PLCE1: variants seen among roughly 807,000 people sequenced by gnomAD.
The protein encoded by PLCE1 is phospholipase C epsilon 1, also known as 1-phosphatidylinositol 4,5-bisphosphate phosphodiesterase epsilon-1.
A neutral mutation model predicts 242.8 loss-of-function variants in PLCE1; 119 were observed. The observed-to-expected ratio is 0.49, with a 90% confidence interval of 0.42 to 0.57. PLCE1 has a LOEUF of 0.57. PLCE1 is among the 20% of genes least tolerant of loss of function. The probability of loss-of-function intolerance (pLI) is 0.00; values close to 1 mark genes in which losing one functional copy is unlikely to be tolerated. For synonymous variants in PLCE1, 945 were observed against 1,017.4 expected, an observed-to-expected ratio of 0.93 and a Z score of 1.35; for missense variants, 2,441 against 2,788.8, an observed-to-expected ratio of 0.88 and a Z score of 2.81.
chr10:94,138,511 G>T, intron 3 of PLCE1: 1 of 470,026 alleles, frequency 2.1e-6, no homozygotes, highest in Non-Finnish European at 4.2e-6. Flanking sequence ...TAATGGAGAT[G>T]TTCCAGCCTA....
rs41291122 is a variant in PLCE1 at position 94,030,993 on chromosome 10, G to T, written c.-54G>T. 2.0e-3 allele frequency: 3,111 copies of T among 1,587,328 alleles called. 18 individuals are homozygous for T. The highest frequency in any genetic ancestry group is 2.0e-3 in the Non-Finnish European group (2,345 of 1,156,320). ...AGTCATTTTATTAAAACCTTGACATGATCACCAGGGAGGAAAAATAGAGCA... is the reference window on the plus strand; with the variant it reads ...AGTCATTTTATTAAAACCTTGACATTATCACCAGGGAGGAAAAATAGAGCA... On this transcript the variant is annotated 5_prime_UTR_variant, in exon 2 of 33. It removes an upstream start codon present in the reference 5' UTR. Coordinates refer to ENST00000371380, the MANE Select transcript of PLCE1 (RefSeq NM_016341.4).
At chr10:94,311,326 T>G (rs2053380843) in intron 27 of PLCE1, among the ~76,000 whole-genome samples, 1 of 152,234 alleles carries the variant, frequency 6.6e-6, no homozygotes, top group South Asian at 2.1e-4. Flanking sequence ...TAATCATGCC[T>G]TGGTCTTTCT....
intron 2 of PLCE1, among the ~76,000 whole-genome samples, chr10:94,117,497 C>A (rs1490279124): frequency 2.0e-5 from 3 of 152,188 alleles, no homozygotes; most frequent in African/African-American, 7.2e-5. Flanking sequence ...GCACTGACTT[C>A]ATTTGTGCCG....
chr10:93,998,264 G>A (rs1340247546), intron 1 of PLCE1, among the ~76,000 whole-genome samples: 2 of 152,284 alleles, frequency 1.3e-5, no homozygotes, highest in South Asian at 2.1e-4. Context: ...TAACCCCAAG[G>A]TTTCTCCTTT....
intron 2 of PLCE1, among the ~76,000 whole-genome samples, chr10:94,109,558 A>C (rs2045878461): frequency 6.6e-6 from 1 of 152,200 alleles, no homozygotes; most frequent in Admixed American, 6.5e-5. Flanking sequence ...CAGTGAGCCA[A>C]GATTGTGCCA....
intron 3 of PLCE1, among the ~76,000 whole-genome samples, chr10:94,161,834 A>G (rs2047625179): frequency 1.3e-5 from 2 of 152,140 alleles, no homozygotes; most frequent in South Asian, 4.1e-4. Flanking sequence ...CGTCCCATCA[A>G]TACCTAATTT....
At chr10:94,218,247 T>A (rs1233078156) in intron 4 of PLCE1, among the ~76,000 whole-genome samples, 1 of 152,156 alleles carries the variant, frequency 6.6e-6, no homozygotes, top group Non-Finnish European at 1.5e-5. Flanking sequence ...ATAAGAACAC[T>A]AGGTTTTTAT....
At chr10:94,095,011 CTG>C (rs1456236391) in intron 2 of PLCE1, among the ~76,000 whole-genome samples, 21 of 152,256 alleles carry the variant, frequency 1.4e-4, no homozygotes, top group African/African-American at 4.1e-4. Context: ...ACTCCACAAA[CTG>C]TTTCCAACTG....
intron 22 of PLCE1, among the ~76,000 whole-genome samples, chr10:94,290,712 TAC>T (rs1564867116): frequency 6.6e-6 from 1 of 151,706 alleles, no homozygotes; most frequent in Non-Finnish European, 1.5e-5. Flanking sequence ...TATATATATA[TAC>T]ACACACACAT....
At chr10:94,005,595 C>T (rs770577463) in intron 1 of PLCE1, among the ~76,000 whole-genome samples, 5 of 152,216 alleles carry the variant, frequency 3.3e-5, no homozygotes, top group Non-Finnish European at 7.3e-5. Flanking sequence ...CTAAGCCTCT[C>T]CACAGCCTAA....
At position 94,298,178 on chromosome 10, in the gene PLCE1, C is replaced by G. The variant is rs2052909404; in HGVS notation, c.5168-201C>G. On this transcript the variant is annotated intron_variant, in intron 23 of 32. Transcript: ENST00000371380. The surrounding 1 kb of genome is among the most constrained non-coding windows in gnomAD (Gnocchi z 5.2). ...GGGATTATAGGAATGAGCCACCACACCCAGCCACCACACTCATTTTAAAAC... is the reference window on the plus strand; with the variant it reads ...GGGATTATAGGAATGAGCCACCACAGCCAGCCACCACACTCATTTTAAAAC... 6.6e-6 allele frequency among the ~76,000 whole-genome samples: 1 copy of G among 152,086 alleles called. No individual in the cohort carries two copies. Among genetic ancestry groups the G allele is most frequent in the African/African-American group, 2.4e-5 (1 of 41,396 alleles).
chr10:94,011,890 A>G (rs2061175441), intron 1 of PLCE1, among the ~76,000 whole-genome samples: 1 of 151,882 alleles, frequency 6.6e-6, no homozygotes, highest in Admixed American at 6.6e-5. Context: ...TCATGCTCTG[A>G]ATCATATCAT....
Position 94,286,450 on chromosome 10 carries a change from A to G in PLCE1, c.5035+1485A>G, listed in dbSNP as rs184452287. 2.6e-4 allele frequency among the ~76,000 whole-genome samples: 40 copies of G among 152,320 alleles called. 1 individual carries two copies. The East Asian group carries it at 5.2e-3, about 20-fold the overall frequency. On this transcript the variant is annotated intron_variant, in intron 22 of 32. Transcript: ENST00000371380. Reference sequence around the variant, plus strand: ...TTCAAGCCCAGCCTGGGCAAGATATATAGCAAGACCTCATCTCTAAAAAAT... The same window carrying G: ...TTCAAGCCCAGCCTGGGCAAGATATGTAGCAAGACCTCATCTCTAAAAAAT...
chr10:94,322,815 G>A (rs889244049), intron 30 of PLCE1, among the ~76,000 whole-genome samples: 1 of 151,768 alleles, frequency 6.6e-6, no homozygotes, highest in African/African-American at 2.4e-5. Flanking sequence ...AATTAGCCAG[G>A]CATGGTAGCA....
intron 27 of PLCE1, among the ~76,000 whole-genome samples, chr10:94,311,629 C>G (rs1222292584): frequency 6.6e-6 from 1 of 152,172 alleles, no homozygotes; most frequent in Non-Finnish European, 1.5e-5. Flanking sequence ...TAGTATCTTT[C>G]AAATCCATTC....
intron 2 of PLCE1, among the ~76,000 whole-genome samples, chr10:94,121,949 G>A (rs986934688): frequency 6.6e-6 from 1 of 152,206 alleles, no homozygotes. Flanking sequence ...TGGGCAGAGA[G>A]AGGAAGGTTA....
Position 94,234,140 on chromosome 10 carries a change from A to G in PLCE1, c.2042A>G (p.His681Arg), listed in dbSNP as rs770083822. Reference protein sequence around the residue: ...MRSLKDAMAQHESSCEYRKVV... With the variant: ...MRSLKDAMAQRESSCEYRKVV... Reference sequence around the variant, plus strand: ...AGCCTGAAGGATGCTATGGCCCAGCATGAGTCCTCTTGTGAGTACAGAAAG... The same window carrying G: ...AGCCTGAAGGATGCTATGGCCCAGCGTGAGTCCTCTTGTGAGTACAGAAAG... Residue 681 changes from histidine (H) to arginine (R), a missense_variant, in exon 6 of 33, where the codon CAT becomes CGT. This residue lies in a region of PLCE1 where 733 missense variants were observed against 754.2 expected (regional missense o/e 0.97). Coordinates refer to ENST00000371380, the MANE Select transcript of PLCE1 (RefSeq NM_016341.4). The G allele has an allele frequency of 7.4e-6, 12 of 1,613,994 alleles. No homozygotes were observed. The African/African-American group carries it at 8.0e-5, about 11-fold the overall frequency.
At chr10:94,099,896 C>G (rs538507190) in intron 2 of PLCE1, 1 of 152,114 alleles carries the variant, frequency 6.6e-6, no homozygotes, top group Non-Finnish European at 1.5e-5. Flanking sequence ...GTTAAATACC[C>G]TCTTTAAACT....
At chr10:94,267,874 TAA>T (rs1027764342) in intron 16 of PLCE1, among the ~76,000 whole-genome samples, 1 of 152,210 alleles carries the variant, frequency 6.6e-6, no homozygotes, top group Non-Finnish European at 1.5e-5. Flanking sequence ...TTATCCCATA[TAA>T]AAGTGTTAAA....
Sources: allele counts gnomAD v4.1 joint callset (sites outside exome capture counted in the v4.1 genomes callset), GRCh38; gene constraint gnomAD v4.1.1; regional missense constraint gnomAD v4.1.1; non-coding constraint Gnocchi (gnomAD v3.1); transcripts MANE v1.5; gene names NCBI Gene and HGNC (gene_info 2026-07-23, HGNC 2026-07-21).